LEPR: variants seen among roughly 807,000 people sequenced by gnomAD.
LEPR encodes the protein leptin receptor.
A neutral mutation model predicts 114.7 loss-of-function variants in LEPR; 56 were observed. The observed-to-expected ratio is 0.49, with a 90% CI of 0.39 to 0.61. The LOEUF is 0.61. LEPR is among the 20% of genes least tolerant of loss of function. LEPR has a pLI of 0.00. For synonymous variants in LEPR, 443 were observed against 461.4 expected, an observed-to-expected ratio of 0.96 and a Z score of 0.51; for missense variants, 1,202 against 1,352.9, an observed-to-expected ratio of 0.89 and a Z score of 1.75.
chr1:65,421,250 G>A, intron 1 of LEPR: 1 of 1,403,014 alleles, frequency 7.1e-7, no homozygotes, highest in Non-Finnish European at 9.4e-7. Context: ...GAAAGACGGT[G>A]TTTCTCGCAG....
intron 11 of LEPR, among the ~76,000 whole-genome samples, chr1:65,608,439 G>A (rs1490271609): frequency 6.6e-6 from 1 of 152,008 alleles, no homozygotes; most frequent in African/African-American, 2.4e-5. Flanking sequence ...CACCGTGTTA[G>A]CCAGGATCGG....
chr1:65,491,536 A>G (rs1360205252), intron 2 of LEPR, among the ~76,000 whole-genome samples: 2 of 152,136 alleles, frequency 1.3e-5, no homozygotes, highest in African/African-American at 4.8e-5. Context: ...AAAGAGAGGT[A>G]TGGTCAGATT....
intron 2 of LEPR, among the ~76,000 whole-genome samples, chr1:65,475,686 A>T (rs532013475): frequency 6.6e-6 from 1 of 152,288 alleles, no homozygotes; most frequent in Non-Finnish European, 1.5e-5. Flanking sequence ...TTTGTTCTAT[A>T]TGCAGTGTTC....
chr1:65,540,260 G>T (rs1317497025), intron 2 of LEPR, among the ~76,000 whole-genome samples: 1 of 152,080 alleles, frequency 6.6e-6, no homozygotes, highest in Non-Finnish European at 1.5e-5. Flanking sequence ...TACTACCTTT[G>T]TTATACCTCA....
In LEPR at chr1:65,596,587, C is replaced by A. The variant is rs571547635; in HGVS notation, c.843C>A (p.Ile281=). The change falls in exon 7 of 20, where the codon ATC becomes ATA. Residue 281 remains isoleucine (I), a synonymous_variant. Transcript: ENST00000349533. The stretch of plus-strand genomic sequence containing the variant: ...ATTCAGAGAATTCTACAACAGTTAT[C>A]AGAGAAGTAAGTATATTTTAGTAAG... The part of the protein sequence containing the change: ...VKYSENSTTV[I]READKIVSAT... 4.3e-6 allele frequency: 7 copies of A among 1,611,652 alleles called. No homozygotes were observed. In the African/African-American group the frequency reaches 8.0e-5, roughly 18 times the overall value.
intron 19 of LEPR, among the ~76,000 whole-genome samples, chr1:65,624,191 G>C (rs547201359): frequency 6.6e-6 from 1 of 152,180 alleles, no homozygotes; most frequent in Non-Finnish European, 1.5e-5. Flanking sequence ...CTGTGAAATA[G>C]GCTGCTTACC....
At chr1:65,458,601 A>G (rs770409675) in intron 2 of LEPR, among the ~76,000 whole-genome samples, 1 of 151,860 alleles carries the variant, frequency 6.6e-6, no homozygotes, top group African/African-American at 2.4e-5. Flanking sequence ...TTGCCTTCCT[A>G]TAGCTTCTTT....
chr1:65,458,081 G>T (rs1277612922), intron 2 of LEPR, among the ~76,000 whole-genome samples: 1 of 152,190 alleles, frequency 6.6e-6, no homozygotes, highest in African/African-American at 2.4e-5. Context: ...ATAGTGCTGA[G>T]AACAGCTTTG....
chr1:65,454,191 G>A (rs925953131), intron 2 of LEPR, among the ~76,000 whole-genome samples: 1 of 151,942 alleles, frequency 6.6e-6, no homozygotes, highest in Non-Finnish European at 1.5e-5. Flanking sequence ...CACGTGAGAT[G>A]GGTTTCCTGA....
chr1:65,487,736 A>G (rs1404904168), intron 2 of LEPR, among the ~76,000 whole-genome samples: 1 of 151,874 alleles, frequency 6.6e-6, no homozygotes, highest in African/African-American at 2.4e-5. Flanking sequence ...TAGGTACATA[A>G]TAGGTATATA....
Position 65,633,112 on chromosome 1 carries a change from T to A in LEPR, c.2674-3079T>A, listed in dbSNP as rs1309641240. On this transcript the variant is annotated intron_variant, in intron 19 of 19. Transcript: ENST00000349533. This position sits in a 1 kb window ranked among gnomAD's most constrained non-coding sequence, Gnocchi z 4.1. ...TATCTTTTTCTTTGTGAGTGATTTT[T>A]TATTTTGCTTTCTTATTTTGTTTTA... 7.4e-7 allele frequency: 1 copy of A among 1,342,294 alleles called. No individual in the cohort carries two copies. The highest frequency in any genetic ancestry group is 1.7e-5 in the Admixed American group (1 of 58,712). The allele number at this position is 1,342,294 out of a possible 1,614,324, so 83.1% of individuals were successfully genotyped here. A position where few individuals can be genotyped will look rare whatever the true frequency, so the allele number is the denominator to read the frequency against.
intron 2 of LEPR, among the ~76,000 whole-genome samples, chr1:65,431,628 C>T (rs1180032409): frequency 2.6e-5 from 4 of 152,210 alleles, no homozygotes; most frequent in Non-Finnish European, 5.9e-5. Context: ...ACAAGCATCA[C>T]AGAAGTAATT....
intron 19 of LEPR, chr1:65,635,058 A>G (rs993144259): frequency 2.3e-6 from 2 of 873,394 alleles, no homozygotes; most frequent in African/African-American, 3.6e-5. Context: ...TCACTAACAT[A>G]TTTTACTTAA....
intron 5 of LEPR, among the ~76,000 whole-genome samples, chr1:65,589,533 A>C (rs1655546593): frequency 6.6e-6 from 1 of 151,022 alleles, no homozygotes; most frequent in Non-Finnish European, 1.5e-5. Flanking sequence ...TTTCTTCTAG[A>C]AGTTTCATAG....
At chr1:65,549,227 T>C (rs991402521) in intron 2 of LEPR, among the ~76,000 whole-genome samples, 1 of 151,706 alleles carries the variant, frequency 6.6e-6, no homozygotes, top group African/African-American at 2.4e-5. Context: ...CCTTTCTCTC[T>C]GGCTGCCCTT....
intron 2 of LEPR, among the ~76,000 whole-genome samples, chr1:65,516,135 T>C (rs1649271523): frequency 6.6e-6 from 1 of 152,212 alleles, no homozygotes; most frequent in East Asian, 1.9e-4. Flanking sequence ...ACTTTTATAC[T>C]CAAGGTTTAG....
intron 2 of LEPR, among the ~76,000 whole-genome samples, chr1:65,539,958 C>T (rs1403767809): frequency 6.6e-6 from 1 of 152,152 alleles, no homozygotes; most frequent in African/African-American, 2.4e-5. Context: ...CTCTGGCACT[C>T]ACTGAGGTTC....
At chr1:65,521,307 G>T (rs139569596) in intron 2 of LEPR, among the ~76,000 whole-genome samples, 5 of 152,206 alleles carry the variant, frequency 3.3e-5, no homozygotes, top group African/African-American at 4.8e-5. Flanking sequence ...TGGAAAAAGG[G>T]TTAAGGCCTT....
At chr1:65,620,104 C>G in intron 17 of LEPR, 81 bp downstream of exon 17, 2 of 1,079,208 alleles carry the variant, frequency 1.9e-6, no homozygotes, top group Non-Finnish European at 1.4e-6. Context: ...TCTGATTATT[C>G]TTTTTCTGAT....
Sources: gnomAD v4.1 joint callset for allele counts (sites outside exome capture counted in the v4.1 genomes callset) on GRCh38, gnomAD v4.1.1 for gene constraint, Gnocchi (gnomAD v3.1) non-coding constraint, MANE v1.5 for transcripts, NCBI Gene and HGNC (gene_info 2026-07-23, HGNC 2026-07-21) for gene names.